The following CIT variants were observed in gnomAD, a reference collection of about 807,000 sequenced individuals.
The protein encoded by CIT is citron Rho-interacting kinase.
In CIT, 79 loss-of-function variants were observed where a neutral mutation model predicts 272.7. The ratio of observed to expected loss-of-function variants is 0.29; its 90% confidence interval spans 0.24 to 0.35. The LOEUF is 0.35. Ranked by LOEUF, CIT falls within the 10% of genes least tolerant of loss-of-function variation. The pLI, the probability that CIT is intolerant of heterozygous loss-of-function variation, is 1.00. For missense variants in CIT, 1,909 were observed against 2,618.3 expected, an observed-to-expected ratio of 0.73 and a Z score of 5.91; for synonymous variants, 948 against 995.6, an observed-to-expected ratio of 0.95 and a Z score of 0.90.
At position 119,728,161 on chromosome 12, in the gene CIT, G is replaced by A. The variant is rs927761601; in HGVS notation, c.3591+341C>T. ...CAGAGTACAGAGGGTTTTTAGGGCA[G>A]TGAAACTATCCTGTATGATACAGTA... On this transcript the variant is annotated intron_variant, in intron 28 of 47. Transcript: ENST00000392521. This position sits in a 1 kb window ranked among gnomAD's most constrained non-coding sequence, Gnocchi z 4.3. Among the ~76,000 whole-genome samples the A allele has an allele frequency of 6.6e-6, 1 of 152,148 alleles. No homozygotes were observed. The highest frequency in any genetic ancestry group is 2.4e-5 in the African/African-American group (1 of 41,434).
chr12:119,688,211 G>A lies in CIT; in HGVS notation c.*21C>T. 1.2e-6 allele frequency: 2 copies of A among 1,611,330 alleles called. No individual in the cohort carries two copies. The highest frequency in any genetic ancestry group is 2.2e-5 in the East Asian group (1 of 44,870). ...GTTTTCCTGCAGATCAAGATGAGGA[G>A]TTGGTTTTTCTGGCTGAGATTTATA... On this transcript the variant is annotated 3_prime_UTR_variant, in exon 48 of 48. Transcript: ENST00000392521.
In CIT at chr12:119,710,668, A is replaced by C; in HGVS notation, c.4855-48T>G. The C allele has an allele frequency of 6.5e-7, 1 of 1,549,472 alleles. No individual in the cohort carries two copies. Among genetic ancestry groups the C allele is most frequent in the Non-Finnish European group, 8.9e-7 (1 of 1,121,076 alleles). On this transcript the variant is annotated intron_variant, in intron 37 of 47. Coordinates refer to ENST00000392521, the MANE Select transcript of CIT (RefSeq NM_001206999.2). The surrounding 1 kb of genome is among the most constrained non-coding windows in gnomAD (Gnocchi z 5.6). ...AAAAACAGAAGACATCGTGAGGCTG[A>C]TCTGTTTATGACCAAACCATCCAGA...
At chr12:119,747,753 A>G (rs1480243214) in intron 23 of CIT, among the ~76,000 whole-genome samples, 1 of 152,176 alleles carries the variant, frequency 6.6e-6, no homozygotes, top group Non-Finnish European at 1.5e-5. Flanking sequence ...TAAGACAGAT[A>G]TTTTTCAAAT....
chr12:119,849,452 TG>T (rs1173155194), intron 5 of CIT, among the ~76,000 whole-genome samples: 2 of 151,718 alleles, frequency 1.3e-5, no homozygotes, highest in Admixed American at 6.6e-5. Context: ...GAAAAGAAAA[TG>T]GGGGGCTTTC....
At chr12:119,688,453 G>A (rs563363093) in intron 47 of CIT, among the ~76,000 whole-genome samples, 198 bp from the exon 48 acceptor site, 11 of 152,376 alleles carry the variant, frequency 7.2e-5, no homozygotes, top group African/African-American at 2.2e-4. Context: ...CCAAAGCCGT[G>A]TGTGTACCTG....
At chr12:119,809,942 C>T (rs915882781) in intron 9 of CIT, among the ~76,000 whole-genome samples, 13 of 152,200 alleles carry the variant, frequency 8.5e-5, no homozygotes, top group Admixed American at 6.5e-5. Flanking sequence ...TCCTGGAGGG[C>T]GACCAGGGAG....
In CIT at chr12:119,777,792, C is replaced by T. The variant is rs770009359; in HGVS notation, c.1666-950G>A. Reference sequence around the variant, plus strand: ...ATGCACAGAACCTTAAGGCCTAACACAGGAGAGCCAAAAGGGATGTTCTTT... The same window carrying T: ...ATGCACAGAACCTTAAGGCCTAACATAGGAGAGCCAAAAGGGATGTTCTTT... On this transcript the variant is annotated intron_variant, in intron 13 of 47. Transcript: ENST00000392521. Among the ~76,000 whole-genome samples, 5 of 151,946 alleles carry T rather than the reference C, an allele frequency of 3.3e-5. No individual in the cohort carries two copies. In the South Asian group the frequency reaches 1.0e-3, roughly 32 times the overall value.
At chr12:119,821,576 G>A (rs531610667) in intron 9 of CIT, among the ~76,000 whole-genome samples, 2 of 152,174 alleles carry the variant, frequency 1.3e-5, no homozygotes, top group South Asian at 2.1e-4. Flanking sequence ...CTTAAGTGGA[G>A]ATACATTCTT....
intron 7 of CIT, among the ~76,000 whole-genome samples, chr12:119,828,621 G>A (rs1968354398): frequency 2.0e-5 from 3 of 151,710 alleles, no homozygotes; most frequent in Admixed American, 6.6e-5. Flanking sequence ...AGAGTGCAGT[G>A]GCGCGATCTT....
chr12:119,703,480 C>T (rs1021362840), intron 41 of CIT, among the ~76,000 whole-genome samples: 1 of 137,598 alleles, frequency 7.3e-6, no homozygotes, highest in Non-Finnish European at 1.5e-5. Flanking sequence ...GGCTGGAATG[C>T]GGTAGTGCAA....
Position 119,713,734 on chromosome 12 carries a change from T to C in CIT, c.4307-86A>G, listed in dbSNP as rs1389816354. ...CTCTGCCAGCCAACGCCTGGGCTTC[T>C]CTACCCCAGCCGGGCCCAGAGAGTC... On this transcript the variant is annotated intron_variant, in intron 33 of 47. Coordinates refer to ENST00000392521, the MANE Select transcript of CIT (RefSeq NM_001206999.2). This position sits in a 1 kb window ranked among gnomAD's most constrained non-coding sequence, Gnocchi z 5.2. 2 of 1,435,218 alleles carry C rather than the reference T, an allele frequency of 1.4e-6. No individual in the cohort carries two copies. Among genetic ancestry groups the C allele is most frequent in the Non-Finnish European group, 2.0e-6 (2 of 1,021,182 alleles). The allele number at this position is 1,435,218 out of a possible 1,614,324, so 88.9% of individuals were successfully genotyped here.
At chr12:119,848,072 G>A (rs972763836) in intron 5 of CIT, among the ~76,000 whole-genome samples, 1 of 152,148 alleles carries the variant, frequency 6.6e-6, no homozygotes, top group Non-Finnish European at 1.5e-5. Flanking sequence ...CATGCCCCAT[G>A]TCTCAAGGAA....
Position 119,690,135 on chromosome 12 carries a change from CG to C in CIT, c.6186+15del. The C allele has an allele frequency of 6.9e-7, 1 of 1,455,570 alleles. No homozygotes were observed. The highest frequency in any genetic ancestry group is 1.5e-5 in the South Asian group (1 of 64,558). The allele number at this position is 1,455,570 out of a possible 1,614,324, so 90.2% of individuals were successfully genotyped here. On this transcript the variant is annotated intron_variant, in intron 47 of 47. Coordinates refer to ENST00000392521, the MANE Select transcript of CIT (RefSeq NM_001206999.2). The surrounding 1 kb of genome is among the most constrained non-coding windows in gnomAD (Gnocchi z 6.0). ...GCCTCCGCAACAGACACACAGGCCT[CG>C]GAATGCTGCCTCACCTTGTTCACCT... is the stretch of plus-strand genomic sequence containing the variant.
intron 22 of CIT, among the ~76,000 whole-genome samples, chr12:119,753,270 A>C (rs1166454707): frequency 6.6e-6 from 1 of 152,206 alleles, no homozygotes; most frequent in Non-Finnish European, 1.5e-5. Flanking sequence ...GGAGACCTCC[A>C]ACCCAGCTTC....
At chr12:119,723,940 C>A (rs1323803822) in intron 28 of CIT, among the ~76,000 whole-genome samples, 1 of 152,114 alleles carries the variant, frequency 6.6e-6, no homozygotes, top group Non-Finnish European at 1.5e-5. Flanking sequence ...TGTGGAAAGA[C>A]AAATCTACCA....
At chr12:119,815,076 G>A (rs1467029317) in intron 9 of CIT, among the ~76,000 whole-genome samples, 4 of 134,266 alleles carry the variant, frequency 3.0e-5, no homozygotes, top group African/African-American at 8.7e-5. Context: ...GAATATGTGC[G>A]TGCTCACATA....
At chr12:119,739,063 A>T (rs760933475) in intron 24 of CIT, among the ~76,000 whole-genome samples, 1 of 152,190 alleles carries the variant, frequency 6.6e-6, no homozygotes, top group Non-Finnish European at 1.5e-5. Flanking sequence ...ATGGCATGTT[A>T]GGGGTGAAGA....
chr12:119,698,774 G>A (rs1179148504), intron 44 of CIT, among the ~76,000 whole-genome samples: 1 of 152,022 alleles, frequency 6.6e-6, no homozygotes, highest in Non-Finnish European at 1.5e-5. Flanking sequence ...CTGGAAAAAA[G>A]AATATATATA....
chr12:119,687,056 G>C lies in CIT; in HGVS notation c.*1176C>G, dbSNP rs1336327500. The C allele has an allele frequency of 6.5e-6, 1 of 153,094 alleles. No individual in the cohort carries two copies. The highest frequency in any genetic ancestry group is 1.5e-5 in the Non-Finnish European group (1 of 68,370). The allele number at this position is 153,094 out of a possible 1,614,324, so 9.5% of individuals were successfully genotyped here. On this transcript the variant is annotated 3_prime_UTR_variant, in exon 48 of 48. Transcript: ENST00000392521. ...GACACTGAGTGGGAGGTGGTGGTTTGCTGAAATCCTTCTCTGGTCGTAAGG... is the reference window on the plus strand; with the variant it reads ...GACACTGAGTGGGAGGTGGTGGTTTCCTGAAATCCTTCTCTGGTCGTAAGG...
Sources: allele counts gnomAD v4.1 joint callset (sites outside exome capture counted in the v4.1 genomes callset), GRCh38; gene constraint gnomAD v4.1.1; non-coding constraint Gnocchi (gnomAD v3.1); transcripts MANE v1.5; gene names NCBI Gene and HGNC (gene_info 2026-07-23, HGNC 2026-07-21).